MGAT4C: variants seen among roughly 807,000 people sequenced by gnomAD.
MGAT4C encodes MGAT4 family member C, also known as alpha-1,3-mannosyl-glycoprotein 4-beta-N-acetylglucosaminyltransferase C.
Under a neutral mutation model 40.1 loss-of-function variants are expected in MGAT4C, and 19 were observed. The ratio of observed to expected loss-of-function variants is 0.47; its 90% CI spans 0.33 to 0.70. MGAT4C has a LOEUF of 0.70. Ranked by LOEUF, MGAT4C falls within the 30% of genes least tolerant of loss-of-function variation. The pLI is 0.02. For synonymous variants in MGAT4C, 181 were observed against 187.1 expected (o/e 0.97, Z 0.27); for missense variants, 491 against 563.2 (o/e 0.87, Z 1.30).
At chr12:86,339,354 A>C (rs1331246647) in intron 3 of MGAT4C, among the ~76,000 whole-genome samples, 8 of 152,198 alleles carry the variant, frequency 5.3e-5, no homozygotes, top group Admixed American at 5.2e-4. Context: ...GCAATAGTAG[A>C]ATAAACTATG....
At chr12:86,348,933 T>G (rs1031612913) in intron 3 of MGAT4C, among the ~76,000 whole-genome samples, 10 of 152,126 alleles carry the variant, frequency 6.6e-5, no homozygotes, top group Non-Finnish European at 1.3e-4. Flanking sequence ...CTTTGTGGAA[T>G]TTTCTATTTT....
intron 2 of MGAT4C, among the ~76,000 whole-genome samples, chr12:86,000,647 T>G (rs892252753): frequency 6.6e-6 from 1 of 152,096 alleles, no homozygotes. Context: ...GAGAAGTAAA[T>G]AATTTATATT....
chr12:86,758,369 C>G (rs959060851), intron 1 of MGAT4C, among the ~76,000 whole-genome samples: 2 of 118,104 alleles, frequency 1.7e-5, no homozygotes, highest in African/African-American at 5.6e-5. Context: ...TTTTTATGTC[C>G]GAATCCTTTT....
chr12:86,309,148 T>C (rs912495571), intron 4 of MGAT4C, among the ~76,000 whole-genome samples: 2 of 150,612 alleles, frequency 1.3e-5, no homozygotes, highest in Non-Finnish European at 2.9e-5. Context: ...TTTAACTTGC[T>C]TGCTGATTCA....
chr12:86,551,302 G>A (rs910830386), intron 2 of MGAT4C, among the ~76,000 whole-genome samples: 3 of 152,188 alleles, frequency 2.0e-5, no homozygotes, highest in African/African-American at 7.2e-5. Context: ...GGGCCAGACC[G>A]GGCAGGCACA....
chr12:86,023,004 T>A (rs1889910006), intron 2 of MGAT4C, among the ~76,000 whole-genome samples: 1 of 152,134 alleles, frequency 6.6e-6, no homozygotes, highest in Admixed American at 6.6e-5. Flanking sequence ...GTAACATTTC[T>A]ATATTATAAA....
At chr12:86,295,109 CTTA>C (rs1265741749) in intron 4 of MGAT4C, among the ~76,000 whole-genome samples, 1 of 152,078 alleles carries the variant, frequency 6.6e-6, no homozygotes, top group Admixed American at 6.6e-5. Context: ...CCCTTAACTA[CTTA>C]TTATTTTATT....
intron 4 of MGAT4C, among the ~76,000 whole-genome samples, chr12:86,295,920 T>C (rs1455541316): frequency 6.8e-6 from 1 of 147,980 alleles, no homozygotes. Context: ...TTGTTTACAA[T>C]CCCTGAGCTA....
chr12:86,452,780 G>C (rs1379498351), intron 2 of MGAT4C, among the ~76,000 whole-genome samples: 1 of 152,184 alleles, frequency 6.6e-6, no homozygotes, highest in African/African-American at 2.4e-5. Context: ...TTTGACTCCA[G>C]TGTTTGTCTC....
chr12:86,309,971 GAAAGATACGAT>G (rs1442898475), intron 4 of MGAT4C, among the ~76,000 whole-genome samples: 9 of 151,796 alleles, frequency 5.9e-5, no homozygotes, highest in African/African-American at 2.2e-4. Context: ...AAGGAGGAAA[GAAAGATACGAT>G]AAAGCAACAA....
chr12:86,640,533 T>C (rs1349390855), intron 2 of MGAT4C, among the ~76,000 whole-genome samples: 1 of 152,040 alleles, frequency 6.6e-6, no homozygotes, highest in African/African-American at 2.4e-5. Context: ...ATCAATTTAG[T>C]TGATCCTTTC....
chr12:85,958,704 T>G lies in MGAT4C; in HGVS notation c.*20585A>C. ...CTAGCAATTTTAAAGACTTAAAGTT[T>G]AATTTTTATTATTAAAAGGGTATGA... On this transcript the variant is annotated 3_prime_UTR_variant, in exon 5 of 5. Coordinates refer to ENST00000611864, the MANE Select transcript of MGAT4C (RefSeq NM_001351288.2). 6.6e-6 allele frequency: 1 copy of G among 152,102 alleles called. No individual in the cohort carries two copies. The highest frequency in any genetic ancestry group is 1.9e-4 in the East Asian group (1 of 5,196). 9.4% of individuals were successfully genotyped at this position (152,102 alleles called of 1,614,324 possible).
intron 1 of MGAT4C, among the ~76,000 whole-genome samples, chr12:86,244,891 A>G (rs1192890826): frequency 1.3e-5 from 2 of 152,200 alleles, no homozygotes; most frequent in Non-Finnish European, 2.9e-5. Flanking sequence ...AATAATAATT[A>G]TAAGGGACAG....
At chr12:86,638,956 A>G (rs950023803) in intron 2 of MGAT4C, among the ~76,000 whole-genome samples, 1 of 151,818 alleles carries the variant, frequency 6.6e-6, no homozygotes, top group Non-Finnish European at 1.5e-5. Flanking sequence ...TCTTTCCATT[A>G]TAGTGCAATA....
rs2136662005 is a variant in MGAT4C at position 85,973,088 on chromosome 12, T to C, written c.*6201A>G. 1 of 150,108 alleles carries C rather than the reference T, an allele frequency of 6.7e-6. No individual in the cohort carries two copies. Among genetic ancestry groups the C allele is most frequent in the Admixed American group, 6.7e-5 (1 of 15,006 alleles). 9.3% of individuals were successfully genotyped at this position (150,108 alleles called of 1,614,324 possible). A position where few individuals can be genotyped will look rare whatever the true frequency, so the allele number is the denominator to read the frequency against. ...TTTAAATGTCTAGTTTCTAATAGAG[T>C]TAGAGCTTTGTTGATTGAGATATGT... On this transcript the variant is annotated 3_prime_UTR_variant, in exon 5 of 5. Transcript: ENST00000611864.
chr12:86,731,396 G>T (rs139102698), intron 1 of MGAT4C, among the ~76,000 whole-genome samples: 4 of 152,098 alleles, frequency 2.6e-5, no homozygotes, highest in East Asian at 3.9e-4. Flanking sequence ...TTTCTTGTAT[G>T]TTAATCCATA....
chr12:86,700,170 C>T (rs59988189), intron 2 of MGAT4C, among the ~76,000 whole-genome samples: 92,725 of 134,604 alleles, frequency 0.69, 31,167 homozygotes, highest in Middle Eastern at 0.81. Flanking sequence ...GACAGACAGA[C>T]AGACAGACAG....
chr12:86,242,966 G>C (rs1474354218), intron 1 of MGAT4C, among the ~76,000 whole-genome samples: 1 of 152,136 alleles, frequency 6.6e-6, no homozygotes, highest in East Asian at 1.9e-4. Flanking sequence ...TAACATTAAG[G>C]TGGCCCCAAG....
intron 1 of MGAT4C, among the ~76,000 whole-genome samples, chr12:86,242,061 C>T (rs1951812181): frequency 6.6e-6 from 1 of 152,130 alleles, no homozygotes; most frequent in Non-Finnish European, 1.5e-5. Context: ...TATACAATCA[C>T]ACTGCCCAGT....
Sources: allele counts gnomAD v4.1 joint callset (sites outside exome capture counted in the v4.1 genomes callset), GRCh38; gene constraint gnomAD v4.1.1; transcripts MANE v1.5; gene names NCBI Gene and HGNC (gene_info 2026-07-23, HGNC 2026-07-21).